The following MACROD2 variants were observed in gnomAD, a reference collection of about 807,000 sequenced individuals.
MACROD2 encodes ADP-ribose glycohydrolase MACROD2.
Under a neutral mutation model 70.4 loss-of-function variants are expected in MACROD2, and 36 were observed. The ratio of observed to expected loss-of-function variants is 0.51; its 90% CI spans 0.39 to 0.68. MACROD2 has a LOEUF of 0.68. Among genes scored for constraint, MACROD2 ranks in the 30% least tolerant of loss-of-function variants. The probability of loss-of-function intolerance (pLI) is 0.00; values close to 1 mark genes in which losing one functional copy is unlikely to be tolerated. For missense variants in MACROD2, 496 were observed against 538.4 expected, an observed-to-expected ratio of 0.92 and a Z score of 0.78; for synonymous variants, 172 against 178.8, an observed-to-expected ratio of 0.96 and a Z score of 0.30.
intron 4 of MACROD2, among the ~76,000 whole-genome samples, chr20:14,519,867 A>G (rs547216664): frequency 6.6e-6 from 1 of 152,310 alleles, no homozygotes; most frequent in Non-Finnish European, 1.5e-5. Flanking sequence ...CATATACACC[A>G]TGGCATACTA....
At chr20:15,169,015 G>T (rs1383619821) in intron 5 of MACROD2, among the ~76,000 whole-genome samples, 2 of 152,128 alleles carry the variant, frequency 1.3e-5, no homozygotes, top group Non-Finnish European at 2.9e-5. Context: ...ACAGAATAAT[G>T]GGAAGTTATT....
intron 5 of MACROD2, among the ~76,000 whole-genome samples, chr20:14,733,516 G>C (rs1011646920): frequency 6.6e-6 from 1 of 152,236 alleles, no homozygotes; most frequent in Non-Finnish European, 1.5e-5. Flanking sequence ...TGAGGGCAAG[G>C]AGAGTAAGAA....
chr20:15,610,849 G>A (rs546152931), intron 8 of MACROD2, among the ~76,000 whole-genome samples: 37 of 152,260 alleles, frequency 2.4e-4, no homozygotes, highest in African/African-American at 7.0e-4. Flanking sequence ...AAATAATTGC[G>A]TTTCTGGCCT....
At chr20:13,997,520 A>G (rs1296322579) in intron 1 of MACROD2, among the ~76,000 whole-genome samples, 1 of 152,208 alleles carries the variant, frequency 6.6e-6, no homozygotes, top group African/African-American at 2.4e-5. Context: ...TTTCTGTCAT[A>G]ATAGAAAAAC....
chr20:15,304,307 C>T lies in MACROD2; in HGVS notation c.540+74246C>T, dbSNP rs148155121. 5.1e-3 allele frequency among the ~76,000 whole-genome samples: 779 copies of T among 152,220 alleles called. 2 individuals carry two copies. The highest frequency in any genetic ancestry group is 0.02 in the Middle Eastern group (6 of 294). ...AGCAATGGTGGCCATGGGACTGGTC[C>T]ATCCCATAGTTGTCTTTTATTTGCT... On this transcript the variant is annotated intron_variant, in intron 6 of 17. Coordinates refer to ENST00000684519, the MANE Select transcript of MACROD2 (RefSeq NM_001351661.2).
At chr20:15,720,099 C>G (rs6034274) in intron 8 of MACROD2, among the ~76,000 whole-genome samples, 1 of 152,136 alleles carries the variant, frequency 6.6e-6, no homozygotes, top group Admixed American at 6.5e-5. Context: ...ATCCTCAAGC[C>G]TCATCCACAT....
chr20:14,085,409 G>T (rs1004552005), intron 2 of MACROD2, among the ~76,000 whole-genome samples: 7 of 151,994 alleles, frequency 4.6e-5, no homozygotes, highest in Admixed American at 3.9e-4. Flanking sequence ...AAGTTTTATT[G>T]TATGTCCATT....
rs969157737 is a variant in MACROD2 at position 16,051,424 on chromosome 20, T to C, written c.*1548T>C. ...TTCTGAATTTGTTACCCCTTCTGGA[T>C]GGCTTATTTGATATACTGGAATAGT... is the stretch of plus-strand genomic sequence containing the variant. On this transcript the variant is annotated 3_prime_UTR_variant, in exon 18 of 18. Transcript: ENST00000684519. 1 of 152,228 alleles carries C rather than the reference T, an allele frequency of 6.6e-6. No individual in the cohort carries two copies. Among genetic ancestry groups the C allele is most frequent in the African/African-American group, 2.4e-5 (1 of 41,466 alleles). 9.4% of individuals were successfully genotyped at this position (152,228 alleles called of 1,614,324 possible).
At chr20:14,301,498 T>A (rs2082474907) in intron 3 of MACROD2, among the ~76,000 whole-genome samples, 1 of 152,138 alleles carries the variant, frequency 6.6e-6, no homozygotes, top group Admixed American at 6.5e-5. Flanking sequence ...CCAAACTCCT[T>A]TCATGTCTAT....
At chr20:15,847,285 G>A (rs175810) in intron 8 of MACROD2, among the ~76,000 whole-genome samples, 1 of 151,998 alleles carries the variant, frequency 6.6e-6, no homozygotes, top group African/African-American at 2.4e-5. Context: ...GTGGACTTTC[G>A]GCAGCATTAT....
At chr20:15,018,675 G>T (rs186787306) in intron 5 of MACROD2, among the ~76,000 whole-genome samples, 3 of 152,068 alleles carry the variant, frequency 2.0e-5, no homozygotes, top group Non-Finnish European at 4.4e-5. Flanking sequence ...GGCTAGGCCC[G>T]TCTCTCCTTT....
chr20:15,636,773 G>A (rs1233407655), intron 8 of MACROD2, among the ~76,000 whole-genome samples: 1 of 152,058 alleles, frequency 6.6e-6, no homozygotes, highest in African/African-American at 2.4e-5. Context: ...CAACGCCGGG[G>A]TCCTATGATG....
intron 3 of MACROD2, among the ~76,000 whole-genome samples, chr20:14,479,813 A>T (rs1009475758): frequency 6.6e-6 from 1 of 152,158 alleles, no homozygotes; most frequent in African/African-American, 2.4e-5. Context: ...CATGATTCTG[A>T]TGTTTAAATA....
chr20:15,662,797 T>G (rs78216150), intron 8 of MACROD2, among the ~76,000 whole-genome samples: 2,647 of 151,906 alleles, frequency 0.017, 88 homozygotes, highest in African/African-American at 0.059. Flanking sequence ...AATATTTTCA[T>G]ATAAAAATAT....
intron 4 of MACROD2, among the ~76,000 whole-genome samples, chr20:14,534,067 A>T (rs898802016): frequency 4.6e-5 from 7 of 152,240 alleles, no homozygotes; most frequent in Non-Finnish European, 1.0e-4. Context: ...AATACCAGTT[A>T]AAAGAGAAGG....
intron 15 of MACROD2, among the ~76,000 whole-genome samples, chr20:16,001,825 C>T (rs548960323): frequency 2.0e-4 from 31 of 151,930 alleles, no homozygotes; most frequent in Non-Finnish European, 3.7e-4. Context: ...TTTTTCGTAA[C>T]GTATTAAGAT....
chr20:14,169,721 A>C (rs1012945939), intron 3 of MACROD2, among the ~76,000 whole-genome samples: 3 of 152,058 alleles, frequency 2.0e-5, no homozygotes, highest in Admixed American at 2.0e-4. Context: ...ATCCTTTATA[A>C]TATTTTTGTT....
chr20:14,975,671 C>G (rs1476314900), intron 5 of MACROD2, among the ~76,000 whole-genome samples: 2 of 151,986 alleles, frequency 1.3e-5, no homozygotes, highest in Non-Finnish European at 2.9e-5. Context: ...ATTCGACTCT[C>G]ACGACCTCTC....
At chr20:15,316,938 A>G (rs1334347130) in intron 6 of MACROD2, among the ~76,000 whole-genome samples, 4 of 152,100 alleles carry the variant, frequency 2.6e-5, no homozygotes, top group African/African-American at 9.7e-5. Flanking sequence ...ATAAAATTAA[A>G]TAACACACTC....
Sources: gnomAD v4.1 joint callset for allele counts (sites outside exome capture counted in the v4.1 genomes callset) on GRCh38, gnomAD v4.1.1 for gene constraint, MANE v1.5 for transcripts, NCBI Gene and HGNC (gene_info 2026-07-23, HGNC 2026-07-21) for gene names.